NEO1: variants seen among roughly 807,000 people sequenced by gnomAD.
NEO1 encodes the protein neogenin.
In NEO1, 63 loss-of-function variants were observed where a neutral mutation model predicts 159.7. The ratio of observed to expected loss-of-function variants is 0.39; its 90% CI spans 0.32 to 0.49. The LOEUF (loss-of-function observed/expected upper bound fraction) is 0.49, where lower values mean the gene tolerates loss of function less well. Among genes scored for constraint, NEO1 ranks in the 20% least tolerant of loss-of-function variants. The probability of loss-of-function intolerance (pLI) is 0.85; values close to 1 mark genes in which losing one functional copy is unlikely to be tolerated. For synonymous variants in NEO1, 633 were observed against 662.0 expected, an observed-to-expected ratio of 0.96 and a Z score of 0.67; for missense variants, 1,615 against 1,831.0, an observed-to-expected ratio of 0.88 and a Z score of 2.15.
rs754841435 is a variant in NEO1 at position 73,293,421 on chromosome 15, C to T, written c.3774C>T (p.Leu1258=). ...PVISAHPIHS[L]DNPHHHFHSS... ...TTAGTGCCCATCCCATCCATTCCCTCGATAACCCTCACCATCATTTCCACT... is the reference window on the plus strand; with the variant it reads ...TTAGTGCCCATCCCATCCATTCCCTTGATAACCCTCACCATCATTTCCACT... Residue 1258 remains leucine, a synonymous_variant, in exon 26 of 29, where the codon CTC becomes CTT. Transcript: ENST00000261908. 6 of 1,614,058 alleles carry T rather than the reference C, an allele frequency of 3.7e-6. No homozygotes were observed. Among genetic ancestry groups the T allele is most frequent in the Non-Finnish European group, 5.1e-6 (6 of 1,180,038 alleles).
chr15:73,093,771 G>A lies in NEO1; in HGVS notation c.131-22769G>A, dbSNP rs540908758. Among the ~76,000 whole-genome samples the A allele has an allele frequency of 6.7e-4, 102 of 152,078 alleles. No individual in the cohort carries two copies. In the Middle Eastern group the frequency reaches 0.01, roughly 15 times the overall value. On this transcript the variant is annotated intron_variant, in intron 1 of 28. Transcript: ENST00000261908. Reference sequence around the variant, plus strand: ...TTTTTGTATTTTTTGTAGAGACAGGGTTTCGCCATGCTTCCCTGGCTGGTC... The same window carrying A: ...TTTTTGTATTTTTTGTAGAGACAGGATTTCGCCATGCTTCCCTGGCTGGTC...
intron 15 of NEO1, among the ~76,000 whole-genome samples, chr15:73,264,092 TAGG>T (rs2040771779): frequency 1.3e-5 from 2 of 151,840 alleles, no homozygotes; most frequent in Admixed American, 1.3e-4. Context: ...GAGGCTGAGA[TAGG>T]AGGATCGCTT....
At chr15:73,286,899 G>T (rs1300015588) in intron 23 of NEO1, among the ~76,000 whole-genome samples, 1 of 152,134 alleles carries the variant, frequency 6.6e-6, no homozygotes, top group Non-Finnish European at 1.5e-5. Flanking sequence ...GGCTGAGATT[G>T]CAGTAGCATC....
chr15:73,163,459 A>G (rs979386846), intron 5 of NEO1, among the ~76,000 whole-genome samples: 1 of 152,142 alleles, frequency 6.6e-6, no homozygotes, highest in African/African-American at 2.4e-5. Flanking sequence ...AAGCATTTAC[A>G]TACATGTACA....
chr15:73,263,888 T>C (rs925300898), intron 15 of NEO1, among the ~76,000 whole-genome samples: 2 of 152,182 alleles, frequency 1.3e-5, no homozygotes, highest in African/African-American at 4.8e-5. Flanking sequence ...GCTTTGCTGG[T>C]AGAATAAAAA....
intron 15 of NEO1, among the ~76,000 whole-genome samples, chr15:73,264,800 C>T (rs1053555486): frequency 6.6e-6 from 1 of 152,166 alleles, no homozygotes; most frequent in Non-Finnish European, 1.5e-5. Context: ...TGCCTTCTCC[C>T]TCAAACCTGT....
intron 7 of NEO1, among the ~76,000 whole-genome samples, chr15:73,206,920 C>G (rs2037271039): frequency 6.6e-6 from 1 of 151,876 alleles, no homozygotes; most frequent in South Asian, 2.1e-4. Context: ...GTGAAGTGAT[C>G]ATAGCTCATT....
intron 7 of NEO1, among the ~76,000 whole-genome samples, chr15:73,224,861 G>A (rs940825945): frequency 6.6e-6 from 1 of 152,000 alleles, no homozygotes; most frequent in Non-Finnish European, 1.5e-5. Context: ...GATTTTTTGG[G>A]GGGGGTGTTA....
At chr15:73,056,799 G>T (rs948838320) in intron 1 of NEO1, among the ~76,000 whole-genome samples, 3 of 151,910 alleles carry the variant, frequency 2.0e-5, no homozygotes, top group Non-Finnish European at 2.9e-5. Flanking sequence ...TAGTTTTAGC[G>T]TTTTTTTAGT....
At chr15:73,115,282 C>T (rs1050523252) in intron 1 of NEO1, among the ~76,000 whole-genome samples, 1 of 152,162 alleles carries the variant, frequency 6.6e-6, no homozygotes, top group African/African-American at 2.4e-5. Flanking sequence ...ACCTCATGAT[C>T]CACCCACCTT....
At chr15:73,121,405 C>G (rs1005475045) in intron 2 of NEO1, among the ~76,000 whole-genome samples, 1 of 152,146 alleles carries the variant, frequency 6.6e-6, no homozygotes, top group African/African-American at 2.4e-5. Context: ...ATGCTGTGTT[C>G]TCAGTGCATC....
intron 5 of NEO1, among the ~76,000 whole-genome samples, chr15:73,171,916 C>G (rs186100146): frequency 1.5e-3 from 235 of 152,216 alleles, no homozygotes; most frequent in African/African-American, 5.3e-3. Flanking sequence ...GCCAGGATTA[C>G]AGGCGTGAGC....
intron 16 of NEO1, among the ~76,000 whole-genome samples, chr15:73,269,464 G>T (rs148723883): frequency 2.5e-3 from 384 of 152,238 alleles, no homozygotes; most frequent in African/African-American, 8.6e-3. Flanking sequence ...AGATTCAAGC[G>T]ATTCTCATGC....
Position 73,253,451 on chromosome 15 carries a change from T to C in NEO1, c.1944+2T>C. ...TCCTTGGAAGTGAGAAATTCAAAGG[T>C]AAAACTGTATGATGCTGCTGTTCAT... On this transcript the variant is annotated splice_donor_variant, in intron 12 of 28. Transcript: ENST00000261908. LOFTEE classifies it high-confidence loss of function. 1 of 1,596,678 alleles carries C rather than the reference T, an allele frequency of 6.3e-7. No homozygotes were observed. Among genetic ancestry groups the C allele is most frequent in the Admixed American group, 1.7e-5 (1 of 59,266 alleles).
In NEO1 at chr15:73,305,057, G is replaced by C. The variant is rs1297544675; in HGVS notation, c.*2361G>C. 8 of 152,216 alleles carry C rather than the reference G, an allele frequency of 5.3e-5. No individual in the cohort carries two copies. The highest frequency in any genetic ancestry group is 1.7e-4 in the African/African-American group (7 of 41,424). 9.4% of individuals were successfully genotyped at this position (152,216 alleles called of 1,614,324 possible). On this transcript the variant is annotated 3_prime_UTR_variant, in exon 29 of 29. Transcript: ENST00000261908. ...GTCTGTCGCCGCACTGCCTGTGGGA[G>C]GGGCCCAGAGGGCTGCTGGGACTGG...
intron 26 of NEO1, among the ~76,000 whole-genome samples, chr15:73,295,151 T>TATA (rs1555470520): frequency 2.1e-5 from 3 of 145,556 alleles, no homozygotes; most frequent in Non-Finnish European, 3.0e-5. Flanking sequence ...TATGTAAAAA[T>TATA]TTGGCCTTTC....
At chr15:73,177,405 A>T (rs1266145453) in intron 6 of NEO1, among the ~76,000 whole-genome samples, 1 of 152,216 alleles carries the variant, frequency 6.6e-6, no homozygotes, top group East Asian at 1.9e-4. Flanking sequence ...TTTGAAATGC[A>T]TGATCTCCTG....
chr15:73,151,661 C>T (rs926064233), intron 5 of NEO1, among the ~76,000 whole-genome samples: 13 of 152,108 alleles, frequency 8.5e-5, no homozygotes, highest in African/African-American at 1.7e-4. Context: ...TATCAGATCT[C>T]GTGAGAACTC....
At chr15:73,218,643 G>T (rs1347494676) in intron 7 of NEO1, among the ~76,000 whole-genome samples, 2 of 151,954 alleles carry the variant, frequency 1.3e-5, no homozygotes, top group East Asian at 3.9e-4. Flanking sequence ...CTTCTTCCTG[G>T]TTTAGTCTTG....
Sources: allele counts gnomAD v4.1 joint callset (sites outside exome capture counted in the v4.1 genomes callset), GRCh38; gene constraint gnomAD v4.1.1; transcripts MANE v1.5; gene names NCBI Gene and HGNC (gene_info 2026-07-23, HGNC 2026-07-21).